Variants in MTNR1A observed in about 807,000 individuals in gnomAD.
MTNR1A encodes melatonin receptor 1A.
In MTNR1A, 7 loss-of-function variants were observed where a neutral mutation model predicts 5.5. The observed-to-expected ratio is 1.28, with a 90% CI of 0.73 to 2.40. The LOEUF is 2.40. Among genes scored for constraint, MTNR1A ranks in the 30% most tolerant of loss-of-function variants. The pLI is 0.00. For missense variants in MTNR1A, 441 were observed against 464.4 expected, an observed-to-expected ratio of 0.95 and a Z score of 0.46; for synonymous variants, 196 against 202.7, an observed-to-expected ratio of 0.97 and a Z score of 0.28.
chr4:186,542,129 C>T (rs1737038480), intron 1 of MTNR1A, among the ~76,000 whole-genome samples: 1 of 152,200 alleles, frequency 6.6e-6, no homozygotes, highest in Non-Finnish European at 1.5e-5. Context: ...GCAGCCACTG[C>T]TGCACTGCTG....
At chr4:186,545,088 C>T (rs994596820) in intron 1 of MTNR1A, among the ~76,000 whole-genome samples, 2 of 152,208 alleles carry the variant, frequency 1.3e-5, no homozygotes, top group African/African-American at 4.8e-5. Context: ...CTCTTTCTTA[C>T]AAGCTCCCCC....
chr4:186,534,029 A>G lies in MTNR1A; in HGVS notation c.713T>C (p.Val238Ala). 6.2e-7 allele frequency: 1 copy of G among 1,614,124 alleles called. No homozygotes were observed. Among genetic ancestry groups the G allele is most frequent in the Non-Finnish European group, 8.5e-7 (1 of 1,180,038 alleles). ...AAGGACAAAAACCACAAACATGGTG[A>G]CAAAATTCCTGAAGTCCTGTGGTTT... Reference protein sequence around the residue: ...KLKPQDFRNFVTMFVVFVLFA... With the variant: ...KLKPQDFRNFATMFVVFVLFA... Residue 238 changes from valine (V) to alanine (A), a missense_variant, in exon 2 of 2, where the codon GTC becomes GCC. Transcript: ENST00000307161.
intron 1 of MTNR1A, among the ~76,000 whole-genome samples, chr4:186,539,645 TC>T (rs1224526454): frequency 6.6e-6 from 1 of 152,022 alleles, no homozygotes; most frequent in Non-Finnish European, 1.5e-5. Flanking sequence ...ATTCATCTGC[TC>T]CAGAAGACAC....
chr4:186,548,649 T>A (rs1737203972), intron 1 of MTNR1A, among the ~76,000 whole-genome samples: 1 of 151,542 alleles, frequency 6.6e-6, no homozygotes, highest in Admixed American at 6.6e-5. Flanking sequence ...ACTGAGCAAA[T>A]TAGGTCACTT....
chr4:186,539,871 G>A (rs1736969846), intron 1 of MTNR1A, among the ~76,000 whole-genome samples: 1 of 152,194 alleles, frequency 6.6e-6, no homozygotes, highest in Admixed American at 6.5e-5. Flanking sequence ...TATCAGCAGG[G>A]ACTGACTCCA....
chr4:186,540,029 T>C (rs891098405), intron 1 of MTNR1A, among the ~76,000 whole-genome samples: 4 of 152,162 alleles, frequency 2.6e-5, no homozygotes, highest in South Asian at 2.1e-4. Context: ...CTCACAATCA[T>C]GGTGGAAGGC....
At position 186,534,650 on chromosome 4, in the gene MTNR1A, C is replaced by T. The variant is rs532431031; in HGVS notation, c.185-93G>A. 5.9e-5 allele frequency: 87 copies of T among 1,486,718 alleles called. 1 individual carries two copies. The African/African-American group carries it at 8.3e-4, about 14-fold the overall frequency. 92.1% of individuals were successfully genotyped at this position (1,486,718 alleles called of 1,614,324 possible). ...AAAGAAGGAGCTGCTTCTGCAGCTC[C>T]GATGACCTGACGTCACAGCGGCGGC... On this transcript the variant is annotated intron_variant, in intron 1 of 1. Transcript: ENST00000307161.
At chr4:186,543,860 G>A (rs1365503706) in intron 1 of MTNR1A, among the ~76,000 whole-genome samples, 1 of 152,218 alleles carries the variant, frequency 6.6e-6, no homozygotes, top group Non-Finnish European at 1.5e-5. Context: ...TTGTCAAGGG[G>A]TGGACTGTGT....
intron 1 of MTNR1A, among the ~76,000 whole-genome samples, chr4:186,542,194 A>T (rs1012792044): frequency 6.6e-6 from 1 of 152,206 alleles, no homozygotes; most frequent in Non-Finnish European, 1.5e-5. Context: ...ATTCCCTGGG[A>T]AAATCAGCCA....
At chr4:186,540,860 C>T (rs1737005077) in intron 1 of MTNR1A, among the ~76,000 whole-genome samples, 1 of 103,478 alleles carries the variant, frequency 9.7e-6, no homozygotes, top group African/African-American at 3.7e-5. Context: ...GACTGAAGGA[C>T]CAGGTGCTGT....
Position 186,547,742 on chromosome 4 carries a change from T to C in MTNR1A, c.184+7440A>G, listed in dbSNP as rs533327869. 3.9e-5 allele frequency among the ~76,000 whole-genome samples: 6 copies of C among 152,346 alleles called. No homozygotes were observed. In the East Asian group the frequency reaches 1.2e-3, roughly 29 times the overall value. ...ACACGGTATTGTACACTGTACACTT[T>C]ACATTGTACACTGTATTGCATATAC... On this transcript the variant is annotated intron_variant, in intron 1 of 1. Transcript: ENST00000307161.
At chr4:186,536,075 G>T (rs1405124792) in intron 1 of MTNR1A, among the ~76,000 whole-genome samples, 2 of 152,124 alleles carry the variant, frequency 1.3e-5, no homozygotes, top group African/African-American at 4.8e-5. Flanking sequence ...GTTGGGCGCA[G>T]TGGCTCACAC....
rs77291529 is a variant in MTNR1A, at chr4:186,544,649, T to C, written c.185-10092A>G. ...TGAAAAACGTCTGTTTCTACAGCTCTAGCCATCTTTTTCCTCATTTGATAA... is the reference window on the plus strand; with the variant it reads ...TGAAAAACGTCTGTTTCTACAGCTCCAGCCATCTTTTTCCTCATTTGATAA... On this transcript the variant is annotated intron_variant, in intron 1 of 1. Coordinates refer to ENST00000307161, the MANE Select transcript of MTNR1A (RefSeq NM_005958.4). 2.0e-3 allele frequency among the ~76,000 whole-genome samples: 300 copies of C among 152,338 alleles called. 3 individuals carry two copies. The East Asian group carries it at 0.033, about 17-fold the overall frequency.
At chr4:186,545,798 C>G (rs1737126430) in intron 1 of MTNR1A, among the ~76,000 whole-genome samples, 1 of 152,108 alleles carries the variant, frequency 6.6e-6, no homozygotes, top group African/African-American at 2.4e-5. Flanking sequence ...TTTAAAATTG[C>G]ACGTGCATAC....
At chr4:186,535,822 T>C (rs780711787) in intron 1 of MTNR1A, among the ~76,000 whole-genome samples, 1 of 152,192 alleles carries the variant, frequency 6.6e-6, no homozygotes, top group Non-Finnish European at 1.5e-5. Context: ...TCACATCAAC[T>C]TTCTAAATCC....
intron 1 of MTNR1A, among the ~76,000 whole-genome samples, chr4:186,553,677 A>T (rs897891498): frequency 6.6e-6 from 1 of 152,090 alleles, no homozygotes; most frequent in African/African-American, 2.4e-5. Context: ...ACATCCAGCT[A>T]ATTTTTTGTA....
intron 1 of MTNR1A, among the ~76,000 whole-genome samples, chr4:186,550,372 G>T (rs948047036): frequency 2.0e-5 from 3 of 152,178 alleles, no homozygotes; most frequent in African/African-American, 7.2e-5. Context: ...AGAAGAAAGG[G>T]TATTTCTGTC....
chr4:186,539,077 C>T (rs371886752), intron 1 of MTNR1A, among the ~76,000 whole-genome samples: 7 of 151,814 alleles, frequency 4.6e-5, no homozygotes, highest in African/African-American at 1.2e-4. Context: ...ATTAGCTGGG[C>T]GTGGTGGTGC....
intron 1 of MTNR1A, among the ~76,000 whole-genome samples, chr4:186,547,728 T>A (rs1206684639): frequency 1.3e-5 from 2 of 152,252 alleles, no homozygotes; most frequent in Non-Finnish European, 2.9e-5. Flanking sequence ...CACGGTATTG[T>A]ACACTGTACA....
Sources: gnomAD v4.1 joint callset for allele counts (sites outside exome capture counted in the v4.1 genomes callset) on GRCh38, gnomAD v4.1.1 for gene constraint, MANE v1.5 for transcripts, NCBI Gene and HGNC (gene_info 2026-07-23, HGNC 2026-07-21) for gene names.